HTRA3: variants seen among roughly 807,000 people sequenced by gnomAD.
The protein encoded by HTRA3 is serine protease HTRA3.
A neutral mutation model predicts 43.2 loss-of-function variants in HTRA3; 41 were observed. That is an observed-to-expected ratio of 0.95 (90% CI 0.74 to 1.23). The LOEUF (loss-of-function observed/expected upper bound fraction) is 1.23. HTRA3 is among the 50% of genes most tolerant of loss of function. The pLI, the probability that HTRA3 is intolerant of heterozygous loss-of-function variation, is 0.00. For synonymous variants in HTRA3, 295 were observed against 287.9 expected, an observed-to-expected ratio of 1.02 and a Z score of -0.25; for missense variants, 628 against 647.1, an observed-to-expected ratio of 0.97 and a Z score of 0.32.
In HTRA3 at chr4:8,295,028, A is replaced by G. The variant is rs981688982; in HGVS notation, c.1051+827A>G. On this transcript the variant is annotated intron_variant, in intron 6 of 8. Transcript: ENST00000307358. This position sits in a 1 kb window ranked among gnomAD's most constrained non-coding sequence, Gnocchi z 6.9. ...CATTCATCCACTCATCCACCCACCT[A>G]TCCACCCATTCACCCACCTGGCCAC... Among the ~76,000 whole-genome samples, 1 of 150,506 alleles carries G rather than the reference A, an allele frequency of 6.6e-6. No individual in the cohort carries two copies. Among genetic ancestry groups the G allele is most frequent in the Non-Finnish European group, 1.5e-5 (1 of 67,680 alleles).
At chr4:8,274,879 C>A (rs1170857704) in intron 1 of HTRA3, among the ~76,000 whole-genome samples, 1 of 152,166 alleles carries the variant, frequency 6.6e-6, no homozygotes. Flanking sequence ...ATTGTGCAAC[C>A]CCAAGCAGGT....
intron 1 of HTRA3, 127 bp downstream of exon 1, chr4:8,270,480 C>T: frequency 9.4e-7 from 1 of 1,059,562 alleles, no homozygotes; most frequent in Non-Finnish European, 1.3e-6. Flanking sequence ...AGAAATCATC[C>T]CACCAGCCCT....
intron 1 of HTRA3, among the ~76,000 whole-genome samples, chr4:8,281,202 C>T (rs1280489412): frequency 2.0e-5 from 3 of 152,248 alleles, no homozygotes; most frequent in East Asian, 3.9e-4. Context: ...GCCCTGCCCC[C>T]ACAGTGGCAT....
intron 5 of HTRA3, 132 bp downstream of exon 5, chr4:8,292,485 T>C: frequency 1.3e-6 from 1 of 776,170 alleles, no homozygotes; most frequent in Non-Finnish European, 2.1e-6. Flanking sequence ...GGAGTGCAGC[T>C]GGGCCGGAGG....
chr4:8,292,858 A>T (rs1354817875), intron 5 of HTRA3, among the ~76,000 whole-genome samples: 1 of 152,118 alleles, frequency 6.6e-6, no homozygotes, highest in Non-Finnish European at 1.5e-5. Context: ...ATGGCTGGGG[A>T]GGTGTCCAGA....
chr4:8,282,542 T>G lies in HTRA3; in HGVS notation c.485+6T>G. Reference sequence around the variant, plus strand: ...CACATAGAGCTCTTCCTGAGGTGGGTGAATACCCCTCGCCCCTCTCTGCCT... The same window carrying G: ...CACATAGAGCTCTTCCTGAGGTGGGGGAATACCCCTCGCCCCTCTCTGCCT... On this transcript the variant is annotated splice_donor_region_variant and intron_variant, in intron 2 of 8. Coordinates refer to ENST00000307358, the MANE Select transcript of HTRA3 (RefSeq NM_053044.5). 1 of 1,606,222 alleles carries G rather than the reference T, an allele frequency of 6.2e-7. No homozygotes were observed. The highest frequency in any genetic ancestry group is 8.5e-7 in the Non-Finnish European group (1 of 1,173,182).
intron 1 of HTRA3, among the ~76,000 whole-genome samples, chr4:8,281,823 G>T (rs1712758923): frequency 6.6e-6 from 1 of 152,226 alleles, no homozygotes; most frequent in Non-Finnish European, 1.5e-5. Flanking sequence ...AAGTCGGGCT[G>T]GGGTGTGGCC....
chr4:8,278,262 G>A (rs888860649), intron 1 of HTRA3, among the ~76,000 whole-genome samples: 1 of 151,982 alleles, frequency 6.6e-6, no homozygotes, highest in African/African-American at 2.4e-5. Flanking sequence ...TGTCTCCCCT[G>A]CCCTGTTGCG....
chr4:8,274,111 G>T (rs1712420460), intron 1 of HTRA3, among the ~76,000 whole-genome samples: 1 of 152,090 alleles, frequency 6.6e-6, no homozygotes, highest in South Asian at 2.1e-4. Flanking sequence ...GACTCACAGG[G>T]CCCTGTGCCT....
In HTRA3 at chr4:8,279,135, C is replaced by T. The variant is rs1464837349; in HGVS notation, c.386-3302C>T. On this transcript the variant is annotated intron_variant, in intron 1 of 8. Transcript: ENST00000307358. The surrounding 1 kb of genome is among the most constrained non-coding windows in gnomAD (Gnocchi z 7.4). Reference sequence around the variant, plus strand: ...GCCTGGGGTGTGGGGTGGGCACGTGCGGGCTTCTCTTTGGAGACTCTGTGG... The same window carrying T: ...GCCTGGGGTGTGGGGTGGGCACGTGTGGGCTTCTCTTTGGAGACTCTGTGG... Among the ~76,000 whole-genome samples, 2 of 152,082 alleles carry T rather than the reference C, an allele frequency of 1.3e-5. No homozygotes were observed. The highest frequency in any genetic ancestry group is 6.5e-5 in the Admixed American group (1 of 15,272).
chr4:8,286,549 C>A lies in HTRA3; in HGVS notation c.486-12C>A, dbSNP rs1712973940. 1.2e-6 allele frequency: 2 copies of A among 1,611,684 alleles called. No homozygotes were observed. Among genetic ancestry groups the A allele is most frequent in the African/African-American group, 2.7e-5 (2 of 74,842 alleles). ...CCACCCTAAATGCCCGCCTGTGTCT[C>A]CCTGGCTGCAGACACCCGCTGTTTG... On this transcript the variant is annotated splice_polypyrimidine_tract_variant and intron_variant, in intron 2 of 8. Transcript: ENST00000307358. The surrounding 1 kb of genome is among the most constrained non-coding windows in gnomAD (Gnocchi z 4.9).
chr4:8,284,901 A>G (rs919679242), intron 2 of HTRA3, among the ~76,000 whole-genome samples: 3 of 152,200 alleles, frequency 2.0e-5, no homozygotes, highest in Non-Finnish European at 4.4e-5. Flanking sequence ...CACAGACTGC[A>G]TGGCTTAAAA....
intron 4 of HTRA3, 48 bp downstream of exon 4, chr4:8,291,612 GACCTCA>G: frequency 3.5e-6 from 5 of 1,411,488 alleles, no homozygotes; most frequent in Non-Finnish European, 4.8e-6. Context: ...CTGTGCCCAA[GACCTCA>G]ACCTCGAGGT....
At chr4:8,299,341 T>A (rs1191017662) in intron 6 of HTRA3, among the ~76,000 whole-genome samples, 5 of 152,264 alleles carry the variant, frequency 3.3e-5, no homozygotes, top group African/African-American at 9.6e-5. Context: ...CCATAAGATA[T>A]CCTGTAAGCT....
chr4:8,296,251 T>C lies in HTRA3; in HGVS notation c.1051+2050T>C. The stretch of plus-strand genomic sequence containing the variant: ...CCTGGGGCCTAGGTTTGCTCCTTTG[T>C]TGTACAGGGGCTGTCCCAGTTAGTG... On this transcript the variant is annotated intron_variant, in intron 6 of 8. Coordinates refer to ENST00000307358, the MANE Select transcript of HTRA3 (RefSeq NM_053044.5). The surrounding 1 kb of genome is among the most constrained non-coding windows in gnomAD (Gnocchi z 5.3). 1 of 985,690 alleles carries C rather than the reference T, an allele frequency of 1.0e-6. No individual in the cohort carries two copies. The highest frequency in any genetic ancestry group is 1.2e-6 in the Non-Finnish European group (1 of 830,090). The allele number at this position is 985,690 out of a possible 1,614,324, so 61.1% of individuals were successfully genotyped here. A position where few individuals can be genotyped will look rare whatever the true frequency, so the allele number is the denominator to read the frequency against.
At chr4:8,301,262 T>TTCACACTCATCTTTATTATTGAG (rs1243391035) in intron 6 of HTRA3, among the ~76,000 whole-genome samples, 1 of 123,226 alleles carries the variant, frequency 8.1e-6, no homozygotes, top group Non-Finnish European at 1.8e-5. Context: ...GCTTTATTGA[T>TTCACACTCATCTTTATTATTGAG]TCACACTCAT....
chr4:8,306,316 T>C lies in HTRA3; in HGVS notation c.*180T>C. The C allele has an allele frequency of 1.7e-6, 1 of 599,806 alleles. No homozygotes were observed. The highest frequency in any genetic ancestry group is 3.0e-5 in the East Asian group (1 of 32,808). 37.2% of individuals were successfully genotyped at this position (599,806 alleles called of 1,614,324 possible). A position where few individuals can be genotyped will look rare whatever the true frequency, so the allele number is the denominator to read the frequency against. ...GGCCCGAATTTCCGCCTGGGGAGTG[T>C]TGGATCCACATCCCGGTGCCGGGGA... On this transcript the variant is annotated 3_prime_UTR_variant, in exon 9 of 9. Transcript: ENST00000307358. This position sits in a 1 kb window ranked among gnomAD's most constrained non-coding sequence, Gnocchi z 8.9.
chr4:8,276,073 T>A (rs936487985), intron 1 of HTRA3, among the ~76,000 whole-genome samples: 2 of 152,238 alleles, frequency 1.3e-5, no homozygotes, highest in African/African-American at 4.8e-5. Flanking sequence ...AAGCCAGGTC[T>A]AGTGCAGGGG....
Position 8,295,706 on chromosome 4 carries a change from G to T in HTRA3, c.1051+1505G>T. The T allele has an allele frequency of 7.1e-7, 1 of 1,415,986 alleles. No individual in the cohort carries two copies. The highest frequency in any genetic ancestry group is 9.2e-7 in the Non-Finnish European group (1 of 1,082,746). The allele number at this position is 1,415,986 out of a possible 1,614,324, so 87.7% of individuals were successfully genotyped here. On this transcript the variant is annotated intron_variant, in intron 6 of 8. Coordinates refer to ENST00000307358, the MANE Select transcript of HTRA3 (RefSeq NM_053044.5). This position sits in a 1 kb window ranked among gnomAD's most constrained non-coding sequence, Gnocchi z 6.9. ...CTGTCTCCTCCCAGCCCCCTCACTG[G>T]CAGTTCATTGAGAGCAGGGGGCTTC... is the stretch of plus-strand genomic sequence containing the variant.
Sources: gnomAD v4.1 joint callset for allele counts (sites outside exome capture counted in the v4.1 genomes callset) on GRCh38, gnomAD v4.1.1 for gene constraint, Gnocchi (gnomAD v3.1) non-coding constraint, MANE v1.5 for transcripts, NCBI Gene and HGNC (gene_info 2026-07-23, HGNC 2026-07-21) for gene names.